MAGI1: variants seen among roughly 807,000 people sequenced by gnomAD.
MAGI1 encodes membrane associated guanylate kinase, WW and PDZ domain containing 1, also known as membrane-associated guanylate kinase, WW and PDZ domain-containing protein 1.
A neutral mutation model predicts 139.9 loss-of-function variants in MAGI1; 58 were observed. The observed-to-expected ratio is 0.41, with a 90% CI of 0.34 to 0.52. The LOEUF is 0.52. Ranked by LOEUF, MAGI1 falls within the 20% of genes least tolerant of loss-of-function variation. The pLI, the probability that MAGI1 is intolerant of heterozygous loss-of-function variation, is 0.12. For synonymous variants in MAGI1, 812 were observed against 737.9 expected (o/e 1.10, Z -1.63); for missense variants, 1,874 against 1,901.6 (o/e 0.99, Z 0.27).
rs1940112035 is a variant in MAGI1 at position 65,354,396 on chromosome 3, T to C, written c.*1982A>G. 2.0e-5 allele frequency: 3 copies of C among 152,772 alleles called. No individual in the cohort carries two copies. The South Asian group carries it at 6.2e-4, about 32-fold the overall frequency. The allele number at this position is 152,772 out of a possible 1,614,324, so 9.5% of individuals were successfully genotyped here. On this transcript the variant is annotated 3_prime_UTR_variant, in exon 23 of 23. Coordinates refer to ENST00000402939, the MANE Select transcript of MAGI1 (RefSeq NM_001033057.2). ...CAGCTACTCATTCTAATGTTATGTATAAACCCATAAGTCAAATAAAGCTAT... is the reference window on the plus strand; with the variant it reads ...CAGCTACTCATTCTAATGTTATGTACAAACCCATAAGTCAAATAAAGCTAT...
At chr3:65,449,210 A>C (rs1948866312) in intron 6 of MAGI1, among the ~76,000 whole-genome samples, 1 of 152,116 alleles carries the variant, frequency 6.6e-6, no homozygotes, top group Non-Finnish European at 1.5e-5. Flanking sequence ...CCAACATGGC[A>C]CATGTATACA....
rs1940171606 is a variant in MAGI1 at position 65,355,857 on chromosome 3, C to T, written c.*521G>A. Reference sequence around the variant, plus strand: ...CTTACTTTTAGGATCATCGGCAAACCTAATCCATCCCCAAGGGTCCTCAGC... The same window carrying T: ...CTTACTTTTAGGATCATCGGCAAACTTAATCCATCCCCAAGGGTCCTCAGC... On this transcript the variant is annotated 3_prime_UTR_variant, in exon 23 of 23. Transcript: ENST00000402939. 6.5e-6 allele frequency: 1 copy of T among 152,732 alleles called. No individual in the cohort carries two copies. The highest frequency in any genetic ancestry group is 2.1e-4 in the South Asian group (1 of 4,834). 9.5% of individuals were successfully genotyped at this position (152,732 alleles called of 1,614,324 possible). A position where few individuals can be genotyped will look rare whatever the true frequency, so the allele number is the denominator to read the frequency against.
chr3:65,469,953 TATTAAA>T (rs1412070937), intron 5 of MAGI1: 2 of 147,918 alleles, frequency 1.4e-5, no homozygotes, highest in Non-Finnish European at 3.0e-5. Context: ...TTTAAATATT[TATTAAA>T]ATATTTAAAT....
chr3:65,995,867 A>G (rs544898460), intron 1 of MAGI1, among the ~76,000 whole-genome samples: 16 of 152,170 alleles, frequency 1.1e-4, no homozygotes, highest in Admixed American at 3.9e-4. Context: ...GTGTGGTAGC[A>G]TGCACCTGTA....
intron 3 of MAGI1, among the ~76,000 whole-genome samples, chr3:65,491,189 C>A (rs1463115751): frequency 6.6e-6 from 1 of 151,606 alleles, no homozygotes; most frequent in African/African-American, 2.4e-5. Flanking sequence ...GAGAGTCACA[C>A]TGAGCTGGGT....
intron 1 of MAGI1, among the ~76,000 whole-genome samples, chr3:65,829,529 C>A (rs1313960851): frequency 6.6e-6 from 1 of 152,216 alleles, no homozygotes; most frequent in East Asian, 1.9e-4. Flanking sequence ...GACATCATAT[C>A]TGCTGGTGCC....
intron 5 of MAGI1, among the ~76,000 whole-genome samples, chr3:65,462,950 A>ATT (rs1949918817): frequency 6.6e-6 from 1 of 152,066 alleles, no homozygotes; most frequent in Non-Finnish European, 1.5e-5. Flanking sequence ...AATGCTTGTG[A>ATT]TTTTTTGCAC....
intron 1 of MAGI1, among the ~76,000 whole-genome samples, chr3:65,729,253 C>T (rs2033951870): frequency 6.6e-6 from 1 of 151,472 alleles, no homozygotes; most frequent in Admixed American, 6.6e-5. Flanking sequence ...ATCTCTATTA[C>T]ATTATGTAAG....
chr3:65,929,849 A>T (rs1042896649), intron 1 of MAGI1, among the ~76,000 whole-genome samples: 14 of 152,122 alleles, frequency 9.2e-5, no homozygotes, highest in Admixed American at 5.9e-4. Context: ...TGTGGAATGG[A>T]GAGTGGGCTG....
chr3:65,890,068 A>G (rs2108567461), intron 1 of MAGI1, among the ~76,000 whole-genome samples: 1 of 152,320 alleles, frequency 6.6e-6, no homozygotes, highest in South Asian at 2.1e-4. Flanking sequence ...ATGACATTAA[A>G]AACTCATGAT....
chr3:65,423,997 AC>A (rs1559542207), intron 12 of MAGI1, among the ~76,000 whole-genome samples: 1 of 152,122 alleles, frequency 6.6e-6, no homozygotes, highest in East Asian at 1.9e-4. Context: ...GCTAACAATC[AC>A]TGCCTTCATT....
At chr3:65,682,495 G>C (rs1447849984) in intron 1 of MAGI1, among the ~76,000 whole-genome samples, 1 of 152,196 alleles carries the variant, frequency 6.6e-6, no homozygotes, top group East Asian at 1.9e-4. Flanking sequence ...TGGAGCTACA[G>C]CAAGTGGCCA....
chr3:65,923,983 A>T (rs2062368302), intron 1 of MAGI1, among the ~76,000 whole-genome samples: 1 of 152,226 alleles, frequency 6.6e-6, no homozygotes, highest in African/African-American at 2.4e-5. Context: ...GTGTTTTTTA[A>T]GTATTAGACT....
At chr3:65,906,783 G>A (rs1025638543) in intron 1 of MAGI1, among the ~76,000 whole-genome samples, 2 of 151,836 alleles carry the variant, frequency 1.3e-5, no homozygotes, top group African/African-American at 4.8e-5. Flanking sequence ...CTACTAGGGA[G>A]GCTGAGGTAA....
At chr3:65,622,930 G>GAGCAATTAA (rs1301986620) in intron 1 of MAGI1, among the ~76,000 whole-genome samples, 3 of 152,108 alleles carry the variant, frequency 2.0e-5, no homozygotes, top group African/African-American at 2.4e-5. Context: ...AACCAAAAGG[G>GAGCAATTAA]AGCAATTAAA....
At chr3:65,917,986 G>C (rs1487869672) in intron 1 of MAGI1, among the ~76,000 whole-genome samples, 1 of 152,150 alleles carries the variant, frequency 6.6e-6, no homozygotes, top group Non-Finnish European at 1.5e-5. Flanking sequence ...CACCTTGGTG[G>C]GGGACGTTGA....
intron 2 of MAGI1, among the ~76,000 whole-genome samples, chr3:65,556,632 T>C (rs2080097059): frequency 6.6e-6 from 1 of 152,226 alleles, no homozygotes; most frequent in South Asian, 2.1e-4. Flanking sequence ...CAATTTCTCC[T>C]GCCAATATTC....
chr3:65,615,110 T>C (rs1011136312), intron 2 of MAGI1, among the ~76,000 whole-genome samples: 6 of 151,844 alleles, frequency 4.0e-5, no homozygotes, highest in African/African-American at 1.5e-4. Context: ...TAGAAGTAAC[T>C]GACATGGACT....
chr3:65,910,071 C>T (rs1416032224), intron 1 of MAGI1, among the ~76,000 whole-genome samples: 1 of 152,216 alleles, frequency 6.6e-6, no homozygotes, highest in Admixed American at 6.5e-5. Flanking sequence ...GCCCACTGCT[C>T]ACCTTCTGCT....
Sources: gnomAD v4.1 joint callset for allele counts (sites outside exome capture counted in the v4.1 genomes callset) on GRCh38, gnomAD v4.1.1 for gene constraint, MANE v1.5 for transcripts, NCBI Gene and HGNC (gene_info 2026-07-23, HGNC 2026-07-21) for gene names.